Variants in PSMB7 observed in about 807,000 individuals in gnomAD.
PSMB7 encodes the protein proteasome 20S subunit beta 7, also known as proteasome subunit beta type-7.
Under a neutral mutation model 28.1 loss-of-function variants are expected in PSMB7, and 5 were observed. The observed-to-expected ratio is 0.18, with a 90% CI of 0.09 to 0.37. The LOEUF is 0.37. Ranked by LOEUF, PSMB7 falls within the 10% of genes least tolerant of loss-of-function variation. The probability of loss-of-function intolerance (pLI) is 1.00; values close to 1 mark genes in which losing one functional copy is unlikely to be tolerated. For synonymous variants in PSMB7, 122 were observed against 123.7 expected (o/e 0.99, Z 0.09); for missense variants, 275 against 346.2 (o/e 0.79, Z 1.63).
At chr9:124,377,646 A>T (rs993602313) in intron 6 of PSMB7, among the ~76,000 whole-genome samples, 1 of 152,250 alleles carries the variant, frequency 6.6e-6, no homozygotes, top group African/African-American at 2.4e-5. Context: ...TTGTGAGGTA[A>T]CCACAAGCCT....
chr9:124,385,261 A>G (rs567515024), intron 5 of PSMB7, among the ~76,000 whole-genome samples: 2 of 152,372 alleles, frequency 1.3e-5, no homozygotes, highest in African/African-American at 4.8e-5. Context: ...TGTACTTTGA[A>G]GAGTAACAGC....
In PSMB7 at chr9:124,356,313, A is replaced by G. The variant is rs1830405776; in HGVS notation, c.722+451T>C. On this transcript the variant is annotated intron_variant, in intron 7 of 7. Coordinates refer to ENST00000259457, the MANE Select transcript of PSMB7 (RefSeq NM_002799.4). This position sits in a 1 kb window ranked among gnomAD's most constrained non-coding sequence, Gnocchi z 4.4. ...TCAATGGCACAACTCCCTGTAGCAC[A>G]GCACACACACACTAGCTCCCAAGGC... Among the ~76,000 whole-genome samples, 1 of 152,212 alleles carries G rather than the reference A, an allele frequency of 6.6e-6. No homozygotes were observed. The highest frequency in any genetic ancestry group is 2.4e-5 in the African/African-American group (1 of 41,464).
chr9:124,357,618 C>T (rs1190170018), intron 6 of PSMB7, among the ~76,000 whole-genome samples: 1 of 152,212 alleles, frequency 6.6e-6, no homozygotes, highest in African/African-American at 2.4e-5. Context: ...TTTGCCCCAC[C>T]TTTAAACACA....
chr9:124,401,649 A>T (rs540659897), intron 5 of PSMB7, among the ~76,000 whole-genome samples: 3 of 152,318 alleles, frequency 2.0e-5, no homozygotes, highest in African/African-American at 7.2e-5. Context: ...TAGACTGAGT[A>T]TCTGAGGACA....
At chr9:124,394,020 G>A (rs561040665) in intron 5 of PSMB7, among the ~76,000 whole-genome samples, 2 of 152,332 alleles carry the variant, frequency 1.3e-5, no homozygotes, top group African/African-American at 4.8e-5. Flanking sequence ...AGGGCAGTGG[G>A]AGCTGGCAAG....
chr9:124,411,051 C>T (rs1304419292), intron 4 of PSMB7, among the ~76,000 whole-genome samples: 3 of 151,940 alleles, frequency 2.0e-5, no homozygotes, highest in Non-Finnish European at 2.9e-5. Context: ...TCTTGGCTCA[C>T]GGCAACCTCC....
At chr9:124,390,904 A>G (rs1225198352) in intron 5 of PSMB7, among the ~76,000 whole-genome samples, 3 of 152,244 alleles carry the variant, frequency 2.0e-5, no homozygotes, top group Admixed American at 6.5e-5. Flanking sequence ...CAATCCATGC[A>G]TGAGTCAACA....
At chr9:124,384,767 G>A in intron 5 of PSMB7, 111 bp from the exon 6 acceptor site, 1 of 904,544 alleles carries the variant, frequency 1.1e-6, no homozygotes, top group Non-Finnish European at 1.7e-6. Context: ...TCTCATTCAA[G>A]TACAGTGTAA....
At chr9:124,362,324 C>T (rs1462033844) in intron 6 of PSMB7, among the ~76,000 whole-genome samples, 1 of 152,242 alleles carries the variant, frequency 6.6e-6, no homozygotes, top group Non-Finnish European at 1.5e-5. Flanking sequence ...AGGAACAGGG[C>T]TCCCCCAGCT....
At chr9:124,373,587 C>T (rs1048716656) in intron 6 of PSMB7, among the ~76,000 whole-genome samples, 2 of 152,104 alleles carry the variant, frequency 1.3e-5, no homozygotes, top group Non-Finnish European at 2.9e-5. Context: ...AAAGGAAGCA[C>T]GTCAAATGTT....
rs73666888 is a variant in PSMB7, at chr9:124,412,534, A to G, written c.255-42T>C. 4.0e-3 allele frequency: 6,499 copies of G among 1,608,044 alleles called. 217 individuals carry two copies. In the African/African-American group the frequency reaches 0.073, roughly 18 times the overall value. Reference sequence around the variant, plus strand: ...GAAACTTAGCTGAAATCCAATTACCAGAGGGCTCAATTAGAAGTAATGGGT... The same window carrying G: ...GAAACTTAGCTGAAATCCAATTACCGGAGGGCTCAATTAGAAGTAATGGGT... On this transcript the variant is annotated intron_variant, in intron 3 of 7. Transcript: ENST00000259457.
chr9:124,401,007 T>A (rs1206100861), intron 5 of PSMB7, among the ~76,000 whole-genome samples: 2 of 152,100 alleles, frequency 1.3e-5, no homozygotes, highest in African/African-American at 4.8e-5. Context: ...GAGTTAATAG[T>A]AAGGGAAGAA....
intron 1 of PSMB7, 192 bp from the exon 2 acceptor site, chr9:124,415,127 G>T: frequency 1.6e-6 from 1 of 627,234 alleles, no homozygotes; most frequent in East Asian, 2.8e-5. Context: ...GGGCCGTGAC[G>T]TGCCTTAGGA....
At chr9:124,409,932 C>CA (rs1200326056) in intron 4 of PSMB7, among the ~76,000 whole-genome samples, 3 of 151,318 alleles carry the variant, frequency 2.0e-5, no homozygotes, top group Non-Finnish European at 4.4e-5. Context: ...AAATGGTCCT[C>CA]AAATTTTGAT....
chr9:124,390,503 C>T (rs10986330), intron 5 of PSMB7, among the ~76,000 whole-genome samples: 9,351 of 152,128 alleles, frequency 0.061, 902 homozygotes, highest in East Asian at 0.45. Flanking sequence ...TACACACAGA[C>T]ATTAAACATG....
intron 6 of PSMB7, 96 bp downstream of exon 6, chr9:124,384,502 T>G: frequency 1.7e-6 from 2 of 1,172,726 alleles, no homozygotes; most frequent in Non-Finnish European, 1.2e-6. Context: ...AACAGTGCTG[T>G]ACAAGCTCGG....
At chr9:124,410,215 C>G (rs183860807) in intron 4 of PSMB7, among the ~76,000 whole-genome samples, 19 of 152,146 alleles carry the variant, frequency 1.2e-4, no homozygotes, top group Non-Finnish European at 5.9e-5. Flanking sequence ...AGGATGGTCT[C>G]AATCTCCTGA....
At chr9:124,403,466 C>A (rs999912144) in intron 5 of PSMB7, among the ~76,000 whole-genome samples, 21 of 152,252 alleles carry the variant, frequency 1.4e-4, no homozygotes, top group African/African-American at 4.6e-4. Flanking sequence ...GTCGAGGTGG[C>A]AGTGAGCTGT....
intron 6 of PSMB7, among the ~76,000 whole-genome samples, chr9:124,365,945 G>A (rs541508264): frequency 2.0e-5 from 3 of 152,290 alleles, no homozygotes; most frequent in African/African-American, 7.2e-5. Context: ...GAGAAAGAGA[G>A]AGAGATTACT....
Sources: gnomAD v4.1 joint callset for allele counts (sites outside exome capture counted in the v4.1 genomes callset) on GRCh38, gnomAD v4.1.1 for gene constraint, Gnocchi (gnomAD v3.1) non-coding constraint, MANE v1.5 for transcripts, NCBI Gene and HGNC (gene_info 2026-07-23, HGNC 2026-07-21) for gene names.